The following COL18A1 variants were observed in gnomAD, a reference collection of about 807,000 sequenced individuals.
COL18A1 encodes collagen alpha-1(XVIII) chain.
Under a neutral mutation model 168.0 loss-of-function variants are expected in COL18A1, and 133 were observed. The observed-to-expected ratio is 0.79, with a 90% CI of 0.69 to 0.91. COL18A1 has a LOEUF of 0.91. COL18A1 is among the 40% of genes least tolerant of loss of function. The probability of loss-of-function intolerance (pLI) is 0.00; values close to 1 mark genes in which losing one functional copy is unlikely to be tolerated. For synonymous variants in COL18A1, 949 were observed against 809.0 expected (o/e 1.17, Z -2.94); for missense variants, 2,126 against 1,925.4 (o/e 1.10, Z -1.95).
Position 45,512,263 on chromosome 21 carries a change from G to A in COL18A1, c.3885G>A (p.Arg1295=). 1 of 1,612,062 alleles carries A rather than the reference G, an allele frequency of 6.2e-7. No homozygotes were observed. The highest frequency in any genetic ancestry group is 1.3e-5 in the African/African-American group (1 of 75,040). The change falls in exon 42 of 42, where the codon CGG becomes CGA. Residue 1295 remains arginine (R), a synonymous_variant. Transcript: ENST00000651438. The part of the protein sequence containing the change: ...RLTESYCETW[R]TEAPSATGQA... ...CCGAGAGCTACTGTGAGACGTGGCGGACGGAGGCTCCCTCGGCCACGGGCC... is the reference window on the plus strand; with the variant it reads ...CCGAGAGCTACTGTGAGACGTGGCGAACGGAGGCTCCCTCGGCCACGGGCC...
chr21:45,480,903 G>A lies in COL18A1; in HGVS notation c.1611+45G>A, dbSNP rs768255511. On this transcript the variant is annotated intron_variant, in intron 13 of 41. Coordinates refer to ENST00000651438, the MANE Select transcript of COL18A1 (RefSeq NM_001379500.1). ...TCAGTGTCGGGAGCCCTGTCTGCTG[G>A]GAGTGAGGGGTGAACACCCCACATG... The A allele has an allele frequency of 1.7e-5, 26 of 1,574,230 alleles. No individual in the cohort carries two copies. In the Admixed American group the frequency reaches 2.0e-4, roughly 12 times the overall value.
chr21:45,493,814 T>C (rs934151097), intron 26 of COL18A1: 14 of 556,256 alleles, frequency 2.5e-5, no homozygotes, highest in Non-Finnish European at 4.2e-5. Context: ...CCCACCCTGC[T>C]GAGGGGAGGT....
chr21:45,433,294 A>G (rs1270331508), intron 2 of COL18A1, among the ~76,000 whole-genome samples: 1 of 152,170 alleles, frequency 6.6e-6, no homozygotes, highest in Non-Finnish European at 1.5e-5. Context: ...CTTTATTTTT[A>G]TAGGTAACAT....
chr21:45,409,000 C>G (rs2033206730), intron 2 of COL18A1, among the ~76,000 whole-genome samples: 1 of 119,712 alleles, frequency 8.4e-6, no homozygotes, highest in Non-Finnish European at 1.8e-5. Flanking sequence ...CACCAGTGCT[C>G]AGGGGTCAGG....
chr21:45,422,169 C>T (rs1292412519), intron 2 of COL18A1, among the ~76,000 whole-genome samples: 1 of 150,014 alleles, frequency 6.7e-6, no homozygotes, highest in East Asian at 2.0e-4. Context: ...CACATGGGCT[C>T]ACACACACAC....
In COL18A1 at chr21:45,473,562, C is replaced by A. The variant is rs1327329811; in HGVS notation, c.652-333C>A. Among the ~76,000 whole-genome samples, 1 of 152,180 alleles carries A rather than the reference C, an allele frequency of 6.6e-6. No individual in the cohort carries two copies. The highest frequency in any genetic ancestry group is 1.5e-5 in the Non-Finnish European group (1 of 68,026). Reference sequence around the variant, plus strand: ...CTGCAGCCCCTCGAATCTGCCCGCCCTCCCAGGCCTTGGATCGAGCCACAC... The same window carrying A: ...CTGCAGCCCCTCGAATCTGCCCGCCATCCCAGGCCTTGGATCGAGCCACAC... On this transcript the variant is annotated intron_variant, in intron 3 of 41. Coordinates refer to ENST00000651438, the MANE Select transcript of COL18A1 (RefSeq NM_001379500.1). This position sits in a 1 kb window ranked among gnomAD's most constrained non-coding sequence, Gnocchi z 4.0.
chr21:45,505,650 C>T (rs1009381986), intron 36 of COL18A1, among the ~76,000 whole-genome samples, 188 bp from the exon 37 acceptor site: 2 of 152,170 alleles, frequency 1.3e-5, no homozygotes, highest in Non-Finnish European at 1.5e-5. Context: ...TGTACATTGT[C>T]CACGGAGGCG....
At position 45,480,841 on chromosome 21, in the gene COL18A1, G is replaced by C. The variant is rs761342635; in HGVS notation, c.1594G>C (p.Gly532Arg). ...TGTGCCTGGGCGCGAGGGTCCCCCC[G>C]GGTTTCCTGGCCTCCCGGTAAGTCC... The part of the protein sequence containing the change: ...PGVPGREGPP[G>R]FPGLPGPPGP... The change falls in exon 13 of 42, where the codon GGG becomes CGG. Residue 532 changes from glycine (G) to arginine (R), a missense_variant. Physicochemically the swap from Gly to Arg is moderately radical, Grantham distance 125 (BLOSUM62 -2). Coordinates refer to ENST00000651438, the MANE Select transcript of COL18A1 (RefSeq NM_001379500.1). 1.2e-6 allele frequency: 2 copies of C among 1,611,078 alleles called. No individual in the cohort carries two copies. Among genetic ancestry groups the C allele is most frequent in the Non-Finnish European group, 1.7e-6 (2 of 1,179,414 alleles).
chr21:45,453,724 C>A (rs937877344), intron 2 of COL18A1, among the ~76,000 whole-genome samples: 5 of 152,080 alleles, frequency 3.3e-5, no homozygotes, highest in Non-Finnish European at 5.9e-5. Flanking sequence ...AGCTGGGCAC[C>A]CTGCAGATGG....
chr21:45,439,178 T>A (rs1319998912), intron 2 of COL18A1, among the ~76,000 whole-genome samples: 2 of 152,264 alleles, frequency 1.3e-5, no homozygotes, highest in African/African-American at 4.8e-5. Context: ...TGTACAGTGC[T>A]GTAATCAGCA....
chr21:45,438,123 C>T lies in COL18A1; in HGVS notation c.107-30119C>T, dbSNP rs1274613260. 9.0e-5 allele frequency among the ~76,000 whole-genome samples: 10 copies of T among 110,790 alleles called. 1 individual carries two copies. The highest frequency in any genetic ancestry group is 8.7e-4 in the Admixed American group (10 of 11,486). 72.7% of individuals were successfully genotyped at this position (110,790 alleles called of 152,430 possible). ...ACACTCACACTCAGACACACAGGCA[C>T]TCTCCTGCACACACACACTCACTCA... On this transcript the variant is annotated intron_variant, in intron 2 of 41. Transcript: ENST00000651438.
rs117504547 is a variant in COL18A1 at position 45,494,944 on chromosome 21, G to A, written c.2433+29G>A. ...AGGACCTGGGGTCTCCAGTGGGGGC[G>A]GCAGATGGGGTCTGGCAGGTGGGGA... On this transcript the variant is annotated intron_variant, in intron 28 of 41. Transcript: ENST00000651438. 768 of 1,597,500 alleles carry A rather than the reference G, an allele frequency of 4.8e-4. 2 individuals are homozygous for A. The highest frequency in any genetic ancestry group is 1.3e-3 in the East Asian group (59 of 44,474).
At chr21:45,428,762 G>A (rs1047884356) in intron 2 of COL18A1, among the ~76,000 whole-genome samples, 4 of 152,178 alleles carry the variant, frequency 2.6e-5, no homozygotes, top group Non-Finnish European at 2.9e-5. Flanking sequence ...TTCCAGGTAC[G>A]TCGTGGTGTT....
chr21:45,446,148 A>T (rs1400011483), intron 2 of COL18A1, among the ~76,000 whole-genome samples: 1 of 152,214 alleles, frequency 6.6e-6, no homozygotes, highest in Non-Finnish European at 1.5e-5. Context: ...TTTTGCGTGT[A>T]TCTGTTCGTT....
At chr21:45,428,315 C>T (rs2033864882) in intron 2 of COL18A1, among the ~76,000 whole-genome samples, 2 of 152,150 alleles carry the variant, frequency 1.3e-5, no homozygotes, top group Non-Finnish European at 2.9e-5. Context: ...CCTCAGCTGA[C>T]CCGGCGTGCA....
chr21:45,488,565 A>G (rs2036194610), intron 18 of COL18A1, 121 bp downstream of exon 18: 1 of 1,465,276 alleles, frequency 6.8e-7, no homozygotes, highest in Admixed American at 1.8e-5. Context: ...GGATGAATTC[A>G]TCCTGGGAAG....
chr21:45,470,425 C>CTTTTTTTTTTTTTT (rs1195744330), intron 3 of COL18A1, among the ~76,000 whole-genome samples: 3 of 37,110 alleles, frequency 8.1e-5, no homozygotes, highest in African/African-American at 1.1e-4. Flanking sequence ...TTTACCTTGT[C>CTTTTTTTTTTTTTT]TTTTTTTTTT....
At chr21:45,493,410 C>A in intron 25 of COL18A1, 91 bp from the exon 26 acceptor site, 1 of 1,346,452 alleles carries the variant, frequency 7.4e-7, no homozygotes, top group South Asian at 1.3e-5. Context: ...CCTGCGAGGC[C>A]CAGTCACAGC....
At chr21:45,474,011 C>A (rs1461972444) in intron 4 of COL18A1, 30 bp downstream of exon 4, 1 of 1,539,774 alleles carries the variant, frequency 6.5e-7, no homozygotes. Context: ...CGGGTGGGGT[C>A]TCCCCTCAAT....
Sources: allele counts gnomAD v4.1 joint callset (sites outside exome capture counted in the v4.1 genomes callset), GRCh38; gene constraint gnomAD v4.1.1; non-coding constraint Gnocchi (gnomAD v3.1); transcripts MANE v1.5; gene names NCBI Gene and HGNC (gene_info 2026-07-23, HGNC 2026-07-21).